Variants in VWA8 observed in about 807,000 individuals in gnomAD.
VWA8 encodes von Willebrand factor A domain containing 8.
VWA8 carries 221 observed loss-of-function variants against 241.5 expected under a neutral mutation model. The ratio of observed to expected loss-of-function variants is 0.91; its 90% CI spans 0.82 to 1.02. VWA8 has a LOEUF of 1.02. Ranked by LOEUF, VWA8 falls within the 50% of genes least tolerant of loss-of-function variation. The probability of loss-of-function intolerance (pLI) is 0.00; values close to 1 mark genes in which losing one functional copy is unlikely to be tolerated. For missense variants in VWA8, 2,322 were observed against 2,328.7 expected (o/e 1.00, Z 0.06); for synonymous variants, 852 against 827.1 (o/e 1.03, Z -0.52).
At chr13:41,585,968 A>G (rs1234869772) in intron 42 of VWA8, among the ~76,000 whole-genome samples, 1 of 152,002 alleles carries the variant, frequency 6.6e-6, no homozygotes, top group Admixed American at 6.6e-5. Context: ...AGGAGAAGGG[A>G]CTGATCCAAA....
chr13:41,736,568 T>C (rs1327461588), intron 21 of VWA8, among the ~76,000 whole-genome samples: 1 of 152,154 alleles, frequency 6.6e-6, no homozygotes, highest in African/African-American at 2.4e-5. Context: ...ATGTTTACTT[T>C]AAGGATGATA....
intron 37 of VWA8, among the ~76,000 whole-genome samples, chr13:41,618,001 G>A (rs2044632809): frequency 6.6e-6 from 1 of 152,178 alleles, no homozygotes; most frequent in Non-Finnish European, 1.5e-5. Context: ...CCAGTAATGG[G>A]ATGGCTGGGT....
chr13:41,793,642 T>C (rs550031580), intron 17 of VWA8, among the ~76,000 whole-genome samples: 1 of 152,170 alleles, frequency 6.6e-6, no homozygotes, highest in South Asian at 2.1e-4. Context: ...TGAAACCCCA[T>C]CTGTACCGAA....
At chr13:41,766,821 T>G (rs2045781868) in intron 20 of VWA8, among the ~76,000 whole-genome samples, 1 of 152,178 alleles carries the variant, frequency 6.6e-6, no homozygotes. Flanking sequence ...GTAGACAGGC[T>G]TGCTCCTTGA....
chr13:41,907,011 T>C (rs930231085), intron 4 of VWA8, among the ~76,000 whole-genome samples: 3 of 152,202 alleles, frequency 2.0e-5, no homozygotes, highest in African/African-American at 4.8e-5. Flanking sequence ...TGCTTATTTA[T>C]AGGCTCTATC....
In VWA8 at chr13:41,604,263, T is replaced by C. The variant is rs147524315; in HGVS notation, c.4986+905A>G. ...ATCATTCAATATCATGTTGTTCACATATAGTTTATATAAAATCTTATGCTG... is the reference window on the plus strand; with the variant it reads ...ATCATTCAATATCATGTTGTTCACACATAGTTTATATAAAATCTTATGCTG... On this transcript the variant is annotated intron_variant, in intron 40 of 44. Transcript: ENST00000379310. 6.4e-4 allele frequency among the ~76,000 whole-genome samples: 98 copies of C among 152,316 alleles called. 1 individual carries two copies. In the South Asian group the frequency reaches 0.014, roughly 23 times the overall value.
intron 4 of VWA8, among the ~76,000 whole-genome samples, chr13:41,894,796 A>C (rs907640206): frequency 6.6e-6 from 1 of 152,178 alleles, no homozygotes; most frequent in African/African-American, 2.4e-5. Flanking sequence ...CACATACCAG[A>C]CTTCTAATAT....
In VWA8 at chr13:41,682,441, T is replaced by C. The variant is rs77958287; in HGVS notation, c.4327+2606A>G. On this transcript the variant is annotated intron_variant, in intron 35 of 44. Coordinates refer to ENST00000379310, the MANE Select transcript of VWA8 (RefSeq NM_015058.2). Reference sequence around the variant, plus strand: ...ACTATAAAACTTCTAGAAGAAAACATAGAAGATTTGCCCTTCATCAAAATA... The same window carrying C: ...ACTATAAAACTTCTAGAAGAAAACACAGAAGATTTGCCCTTCATCAAAATA... Among the ~76,000 whole-genome samples, 597 of 152,280 alleles carry C rather than the reference T, an allele frequency of 3.9e-3. 2 individuals carry two copies. Among genetic ancestry groups the C allele is most frequent in the African/African-American group, 0.013 (536 of 41,570 alleles).
rs566028004 is a variant in VWA8 at position 41,823,077 on chromosome 13, A to G, written c.1701-3691T>C. Among the ~76,000 whole-genome samples, 57 of 152,314 alleles carry G rather than the reference A, an allele frequency of 3.7e-4. 1 individual carries two copies. The South Asian group carries it at 0.012, about 32-fold the overall frequency. The stretch of plus-strand genomic sequence containing the variant: ...TTAAGGCTTTTTGTTTTGAAAATCA[A>G]ACACAAAGACTTGGGCATAAAATCC... On this transcript the variant is annotated intron_variant, in intron 14 of 44. Coordinates refer to ENST00000379310, the MANE Select transcript of VWA8 (RefSeq NM_015058.2).
intron 21 of VWA8, among the ~76,000 whole-genome samples, chr13:41,753,370 A>T (rs974691399): frequency 6.6e-6 from 1 of 152,158 alleles, no homozygotes; most frequent in Non-Finnish European, 1.5e-5. Flanking sequence ...CTAAAATTTT[A>T]ATTTTAGACA....
At chr13:41,820,871 A>C (rs1188086938) in intron 14 of VWA8, among the ~76,000 whole-genome samples, 1 of 152,314 alleles carries the variant, frequency 6.6e-6, no homozygotes, top group East Asian at 1.9e-4. Context: ...ACTGCCATAA[A>C]GCCCAGCAAC....
At chr13:41,902,353 T>A (rs1875495001) in intron 4 of VWA8, among the ~76,000 whole-genome samples, 1 of 152,218 alleles carries the variant, frequency 6.6e-6, no homozygotes, top group Non-Finnish European at 1.5e-5. Context: ...ATTATAAACA[T>A]ATGCACATAG....
At chr13:41,697,907 C>T (rs535726431) in intron 29 of VWA8, among the ~76,000 whole-genome samples, 1 of 152,254 alleles carries the variant, frequency 6.6e-6, no homozygotes, top group East Asian at 1.9e-4. Context: ...CTTATTCAAT[C>T]TTCCCCACTA....
chr13:41,710,872 C>A (rs1299654897), intron 26 of VWA8, among the ~76,000 whole-genome samples: 1 of 152,140 alleles, frequency 6.6e-6, no homozygotes, highest in Non-Finnish European at 1.5e-5. Context: ...CTTTTTGATG[C>A]CTCTGATACT....
intron 10 of VWA8, 78 bp downstream of exon 10, chr13:41,868,268 G>A: frequency 2.6e-6 from 4 of 1,532,318 alleles, no homozygotes; most frequent in Non-Finnish European, 3.6e-6. Flanking sequence ...CTTACAAGGA[G>A]ATCATAAACC....
chr13:41,692,901 A>C lies in VWA8; in HGVS notation c.3636T>G (p.Phe1212Leu). The C allele has an allele frequency of 6.2e-7, 1 of 1,611,684 alleles. No homozygotes were observed. The highest frequency in any genetic ancestry group is 1.7e-5 in the Admixed American group (1 of 59,832). ...TCCACCAGAAAGGTTTCTTAGATGT[A>C]AACTTCTCGGAAGGGAGGATGAGAC... ...LHRLILPSEK[F>L]TSKKPFWWNK... Residue 1212 changes from phenylalanine (F) to leucine (L), a missense_variant, in exon 30 of 45, where the codon TTT (phenylalanine) becomes TTG (leucine). Coordinates refer to ENST00000379310, the MANE Select transcript of VWA8 (RefSeq NM_015058.2).
At chr13:41,734,062 G>A (rs1038998042) in intron 21 of VWA8, among the ~76,000 whole-genome samples, 1 of 152,136 alleles carries the variant, frequency 6.6e-6, no homozygotes, top group Non-Finnish European at 1.5e-5. Flanking sequence ...CATTATGGCC[G>A]GGTGCAGTGG....
At chr13:41,792,026 GT>G (rs570162596) in intron 17 of VWA8, among the ~76,000 whole-genome samples, 91 of 151,810 alleles carry the variant, frequency 6.0e-4, no homozygotes, top group African/African-American at 2.0e-3. Flanking sequence ...GTTACTACAA[GT>G]AAAAAATTTA....
At chr13:41,914,309 T>C (rs1345553808) in intron 2 of VWA8, among the ~76,000 whole-genome samples, 1 of 152,198 alleles carries the variant, frequency 6.6e-6, no homozygotes, top group East Asian at 1.9e-4. Flanking sequence ...TAAAGAAAAG[T>C]AGATTGAAAA....
Sources: gnomAD v4.1 joint callset for allele counts (sites outside exome capture counted in the v4.1 genomes callset) on GRCh38, gnomAD v4.1.1 for gene constraint, MANE v1.5 for transcripts, NCBI Gene and HGNC (gene_info 2026-07-23, HGNC 2026-07-21) for gene names.